Variants in MYBPC1 observed in about 807,000 individuals in gnomAD.
MYBPC1 encodes the protein myosin binding protein C1, also known as myosin-binding protein C, slow-type.
In MYBPC1, 52 loss-of-function variants were observed where a neutral mutation model predicts 147.1. The ratio of observed to expected loss-of-function variants is 0.35; its 90% CI spans 0.28 to 0.45. The LOEUF is 0.45. MYBPC1 is among the 20% of genes least tolerant of loss of function. MYBPC1 has a pLI of 1.00. For missense variants in MYBPC1, 1,228 were observed against 1,440.3 expected (o/e 0.85, Z 2.39); for synonymous variants, 477 against 475.9 (o/e 1.00, Z -0.03).
At chr12:101,627,019 G>C (rs1888765157) in intron 4 of MYBPC1, 109 bp downstream of exon 4, 2 of 1,057,552 alleles carry the variant, frequency 1.9e-6, no homozygotes, top group Admixed American at 3.8e-5. Flanking sequence ...ACAGAGCAGG[G>C]GCAACAGTTT....
Position 101,686,011 on chromosome 12 carries a change from A to C in MYBPC1, c.*449A>C, listed in dbSNP as rs184373116. On this transcript the variant is annotated 3_prime_UTR_variant, in exon 32 of 32. Coordinates refer to ENST00000361466, the MANE Select transcript of MYBPC1 (RefSeq NM_002465.4). ...TGCTTTTTTTTTCCTCTCAGAGTAA[A>C]AAACATAACACAATGCACCACGACT... The C allele has an allele frequency of 3.7e-4, 64 of 172,376 alleles. No individual in the cohort carries two copies. Among genetic ancestry groups the C allele is most frequent in the Admixed American group, 1.1e-3 (18 of 15,838 alleles). 10.7% of individuals were successfully genotyped at this position (172,376 alleles called of 1,614,324 possible). A position where few individuals can be genotyped will look rare whatever the true frequency, so the allele number is the denominator to read the frequency against.
intron 22 of MYBPC1, among the ~76,000 whole-genome samples, chr12:101,663,838 C>T (rs961096797): frequency 5.3e-5 from 8 of 152,266 alleles, no homozygotes; most frequent in Non-Finnish European, 1.2e-4. Context: ...ACTTTGGGGA[C>T]TTCCACTTCT....
At chr12:101,690,823 C>G (rs76125443), downstream of MYBPC1, among the ~76,000 whole-genome samples, 6,412 of 152,240 alleles carry the variant, frequency 0.042, 229 homozygotes, top group South Asian at 0.063. Context: ...TATTACTGAA[C>G]ACTGACTACC....
In MYBPC1 at chr12:101,685,770, C is replaced by G; in HGVS notation, c.*208C>G. ...AAGCATTTTCTGTTTTCCCACCAGG[C>G]CCCCAAGTGTGGTCTTTTTCTTTCC... is the stretch of plus-strand genomic sequence containing the variant. On this transcript the variant is annotated 3_prime_UTR_variant, in exon 32 of 32. Coordinates refer to ENST00000361466, the MANE Select transcript of MYBPC1 (RefSeq NM_002465.4). The G allele has an allele frequency of 1.1e-6, 1 of 943,166 alleles. No homozygotes were observed. Among genetic ancestry groups the G allele is most frequent in the Non-Finnish European group, 1.5e-6 (1 of 652,740 alleles). The allele number at this position is 943,166 out of a possible 1,614,324, so 58.4% of individuals were successfully genotyped here.
intron 1 of MYBPC1, among the ~76,000 whole-genome samples, chr12:101,612,081 A>T (rs1347154555): frequency 8.1e-6 from 1 of 123,270 alleles, no homozygotes; most frequent in African/African-American, 3.4e-5. Context: ...ATCTCAAAAA[A>T]AAAAGAAAAA....
rs1210799701 is a variant in MYBPC1, at chr12:101,675,283, A to G, written c.2810-9A>G. The G allele has an allele frequency of 6.2e-7, 1 of 1,613,992 alleles. No homozygotes were observed. The highest frequency in any genetic ancestry group is 8.5e-7 in the Non-Finnish European group (1 of 1,179,926). ...GACCTTGCAGTGACACCATGAATTCATCCTGTAGACCGTCCAGGTCCACCC... is the reference window on the plus strand; with the variant it reads ...GACCTTGCAGTGACACCATGAATTCGTCCTGTAGACCGTCCAGGTCCACCC... On this transcript the variant is annotated splice_polypyrimidine_tract_variant and intron_variant, in intron 25 of 31. Coordinates refer to ENST00000361466, the MANE Select transcript of MYBPC1 (RefSeq NM_002465.4).
At chr12:101,615,709 G>A (rs892488612) in intron 2 of MYBPC1, among the ~76,000 whole-genome samples, 4 of 118,416 alleles carry the variant, frequency 3.4e-5, no homozygotes, top group Non-Finnish European at 6.3e-5. Flanking sequence ...TTACTTGTGA[G>A]TTGCTTAAAC....
intron 26 of MYBPC1, among the ~76,000 whole-genome samples, chr12:101,676,654 G>T (rs1900059206): frequency 6.6e-6 from 1 of 152,098 alleles, no homozygotes; most frequent in South Asian, 2.1e-4. Context: ...GGGAGGCTGA[G>T]GTGAAAGGGT....
chr12:101,616,356 T>C (rs1338689716), intron 2 of MYBPC1, among the ~76,000 whole-genome samples: 1 of 152,200 alleles, frequency 6.6e-6, no homozygotes, highest in Non-Finnish European at 1.5e-5. Flanking sequence ...CCTTCTGTTT[T>C]TCAGATCAGT....
chr12:101,661,802 G>A (rs1896592726), intron 20 of MYBPC1, among the ~76,000 whole-genome samples: 1 of 151,464 alleles, frequency 6.6e-6, no homozygotes, highest in Non-Finnish European at 1.5e-5. Flanking sequence ...AGGCTGAGGT[G>A]GGAGGATCAC....
chr12:101,639,243 A>C (rs1891564442), intron 10 of MYBPC1, among the ~76,000 whole-genome samples: 1 of 152,228 alleles, frequency 6.6e-6, no homozygotes, highest in Non-Finnish European at 1.5e-5. Context: ...AGTTATTGAA[A>C]TTTTGATGTA....
At chr12:101,613,709 C>A (rs1565895413) in intron 1 of MYBPC1, among the ~76,000 whole-genome samples, 1 of 152,174 alleles carries the variant, frequency 6.6e-6, no homozygotes, top group Non-Finnish European at 1.5e-5. Context: ...TCTGTAATAA[C>A]CAGACATCGA....
intron 18 of MYBPC1, among the ~76,000 whole-genome samples, chr12:101,653,547 T>TTAAA (rs899561927): frequency 6.6e-6 from 1 of 152,102 alleles, no homozygotes; most frequent in South Asian, 2.1e-4. Flanking sequence ...AAATGAATTA[T>TTAAA]TAAATAAATA....
chr12:101,630,743 T>C (rs1889719481), intron 6 of MYBPC1, among the ~76,000 whole-genome samples: 1 of 151,918 alleles, frequency 6.6e-6, no homozygotes, highest in Non-Finnish European at 1.5e-5. Flanking sequence ...GAGAAAAAAA[T>C]AAACAAATAA....
intron 20 of MYBPC1, among the ~76,000 whole-genome samples, chr12:101,661,957 C>T (rs1398419508): frequency 1.3e-5 from 2 of 150,936 alleles, no homozygotes; most frequent in Admixed American, 6.6e-5. Flanking sequence ...TTTGCTTCCC[C>T]TATGCCATGA....
intron 3 of MYBPC1, 87 bp from the exon 4 acceptor site, chr12:101,626,785 C>T: frequency 8.6e-7 from 1 of 1,157,722 alleles, no homozygotes. Flanking sequence ...TGTGGTTTCT[C>T]ATCTTCTTTT....
chr12:101,654,940 T>C (rs1416955331), intron 18 of MYBPC1, among the ~76,000 whole-genome samples: 1 of 152,166 alleles, frequency 6.6e-6, no homozygotes, highest in East Asian at 1.9e-4. Flanking sequence ...TTAATTGCAT[T>C]TCAAAACAAA....
chr12:101,650,534 G>A (rs916786257), intron 15 of MYBPC1, among the ~76,000 whole-genome samples: 2 of 152,178 alleles, frequency 1.3e-5, no homozygotes, highest in Non-Finnish European at 2.9e-5. Context: ...CAGATCTCAT[G>A]AGAACTCAGT....
At chr12:101,639,904 A>G (rs1018257764) in intron 10 of MYBPC1, among the ~76,000 whole-genome samples, 10 of 152,028 alleles carry the variant, frequency 6.6e-5, no homozygotes, top group African/African-American at 2.2e-4. Flanking sequence ...GCATAATTTT[A>G]TAGTCTGGGG....
Sources: allele counts gnomAD v4.1 joint callset (sites outside exome capture counted in the v4.1 genomes callset), GRCh38; gene constraint gnomAD v4.1.1; transcripts MANE v1.5; gene names NCBI Gene and HGNC (gene_info 2026-07-23, HGNC 2026-07-21).